ABCA5: variants seen among roughly 807,000 people sequenced by gnomAD.
ABCA5 encodes the protein cholesterol transporter ABCA5.
A neutral mutation model predicts 206.0 loss-of-function variants in ABCA5; 163 were observed. The ratio of observed to expected loss-of-function variants is 0.79; its 90% CI spans 0.70 to 0.90. The LOEUF is 0.90. ABCA5 is among the 40% of genes least tolerant of loss of function. The pLI is 0.00. For synonymous variants in ABCA5, 609 were observed against 613.8 expected, an observed-to-expected ratio of 0.99 and a Z score of 0.11; for missense variants, 1,859 against 1,912.9, an observed-to-expected ratio of 0.97 and a Z score of 0.53.
rs58369537 is a variant in ABCA5 at position 69,263,697 on chromosome 17, C to CTTTTTTTTTTTTTTTTTTTTTTTTTTT, written c.3315+1037_3315+1038insAAAAAAAAAAAAAAAAAAAAAAAAAAA. 4.3e-4 allele frequency among the ~76,000 whole-genome samples: 45 copies of CTTTTTTTTTTTTTTTTTTTTTTTTTTT among 103,656 alleles called. 3 individuals carry two copies. Among genetic ancestry groups the CTTTTTTTTTTTTTTTTTTTTTTTTTTT allele is most frequent in the African/African-American group, 1.8e-3 (40 of 22,696 alleles). 68.0% of individuals were successfully genotyped at this position (103,656 alleles called of 152,430 possible). On this transcript the variant is annotated intron_variant, in intron 24 of 38. Coordinates refer to ENST00000392676, the MANE Select transcript of ABCA5 (RefSeq NM_172232.4). The stretch of plus-strand genomic sequence containing the variant: ...GGCTTTGTTCTTTTTACATGGATTC[C>CTTTTTTTTTTTTTTTTTTTTTTTTTTT]TTTTTTTTTTTTTTTTTGATAAAAA...
Position 69,301,149 on chromosome 17 carries a change from T to C in ABCA5, c.1257A>G (p.Gln419=), listed in dbSNP as rs907845234. ...FYVLLAVYLD[Q]VIPGEFGLRR... ...AAACCATCTGCATACCTGGAATGAC[T>C]TGATCAAGATAGACAGCCAAGAGGA... The change falls in exon 9 of 39, where the codon CAA becomes CAG. Residue 419 remains glutamine (Q), a synonymous_variant. Coordinates refer to ENST00000392676, the MANE Select transcript of ABCA5 (RefSeq NM_172232.4). 1 of 1,531,712 alleles carries C rather than the reference T, an allele frequency of 6.5e-7. No homozygotes were observed. The highest frequency in any genetic ancestry group is 8.7e-7 in the Non-Finnish European group (1 of 1,148,934). The allele number at this position is 1,531,712 out of a possible 1,614,324, so 94.9% of individuals were successfully genotyped here.
intron 12 of ABCA5, 108 bp downstream of exon 12, chr17:69,291,108 A>G (rs2075521265): frequency 1.7e-6 from 1 of 573,108 alleles, no homozygotes; most frequent in Admixed American, 3.6e-5. Flanking sequence ...GAAAAAAAGA[A>G]AACACCTTTA....
chr17:69,299,429 C>A (rs986210984), intron 9 of ABCA5, among the ~76,000 whole-genome samples: 1 of 146,728 alleles, frequency 6.8e-6, no homozygotes, highest in African/African-American at 2.5e-5. Context: ...AATGCCCATC[C>A]CAACAACTGG....
chr17:69,326,700 T>C lies in ABCA5; in HGVS notation c.-16+352A>G, dbSNP rs1380624963. Among the ~76,000 whole-genome samples the C allele has an allele frequency of 6.6e-6, 1 of 152,172 alleles. No homozygotes were observed. Among genetic ancestry groups the C allele is most frequent in the African/African-American group, 2.4e-5 (1 of 41,446 alleles). Reference sequence around the variant, plus strand: ...GGTTGCTGAGGGTGGAACGACAGCGTCCAGGCAAAGGCAGTGTCCCGAAGT... The same window carrying C: ...GGTTGCTGAGGGTGGAACGACAGCGCCCAGGCAAAGGCAGTGTCCCGAAGT... On this transcript the variant is annotated intron_variant, in intron 1 of 38. Transcript: ENST00000392676. This position sits in a 1 kb window ranked among gnomAD's most constrained non-coding sequence, Gnocchi z 4.8.
chr17:69,274,273 T>A, intron 19 of ABCA5, 145 bp from the exon 20 acceptor site: 1 of 697,692 alleles, frequency 1.4e-6, no homozygotes, highest in Non-Finnish European at 2.2e-6. Flanking sequence ...GGCTGGAGTG[T>A]AATGGCATGA....
intron 24 of ABCA5, among the ~76,000 whole-genome samples, chr17:69,264,235 C>G (rs975603390): frequency 6.6e-6 from 1 of 152,080 alleles, no homozygotes; most frequent in Admixed American, 6.5e-5. Flanking sequence ...TTGTAGTTCT[C>G]CCTGTAGAGA....
At chr17:69,261,784 A>C (rs767418940) in intron 24 of ABCA5, 36 bp from the exon 25 acceptor site, 1 of 834,074 alleles carries the variant, frequency 1.2e-6, no homozygotes, top group Non-Finnish European at 1.8e-6. Context: ...AAAAATATGA[A>C]TAGCTTGCAA....
chr17:69,288,548 A>G (rs369383787), intron 14 of ABCA5, among the ~76,000 whole-genome samples: 10 of 151,836 alleles, frequency 6.6e-5, no homozygotes, highest in African/African-American at 2.4e-4. Flanking sequence ...TTTTGGCCAC[A>G]TTTTCTTCAG....
intron 19 of ABCA5, among the ~76,000 whole-genome samples, chr17:69,277,348 G>T (rs1394560206): frequency 3.9e-5 from 6 of 152,066 alleles, no homozygotes; most frequent in African/African-American, 1.4e-4. Flanking sequence ...GCTCCCAGGT[G>T]AAAGAAAGAA....
intron 9 of ABCA5, among the ~76,000 whole-genome samples, chr17:69,299,200 T>G (rs2145004829): frequency 6.6e-6 from 1 of 152,196 alleles, no homozygotes; most frequent in African/African-American, 2.4e-5. Context: ...AAGGGAACAC[T>G]TTTCCACTGT....
In ABCA5 at chr17:69,253,860, A is replaced by G; in HGVS notation, c.4254T>C (p.His1418=). Residue 1418 remains histidine (H), a synonymous_variant, in exon 33 of 39, where the codon CAT becomes CAC. Coordinates refer to ENST00000392676, the MANE Select transcript of ABCA5 (RefSeq NM_172232.4). ...GAAGATGTTCTTTTAAATCAAGTGC[A>G]TGTGTTATTCTGCAAAATGAACAAT... ...DMKEVISRIT[H]ALDLKEHLQK... 1 of 1,610,990 alleles carries G rather than the reference A, an allele frequency of 6.2e-7. No homozygotes were observed. Among genetic ancestry groups the G allele is most frequent in the Non-Finnish European group, 8.5e-7 (1 of 1,178,818 alleles).
Position 69,306,803 on chromosome 17 carries a change from G to A in ABCA5, c.710C>T (p.Ala237Val). The change falls in exon 6 of 39, where the codon GCA (alanine) becomes GTA (valine). Residue 237 changes from alanine to valine, a missense_variant. Transcript: ENST00000392676. ...TTCTTTTTCTGCTACGATATGAATT[G>A]CCAAAAAGTATCCAAAAGGTGAAAA... ...IAFSPFGYFL[A>V]IHIVAEKEKK... 1.9e-6 allele frequency: 3 copies of A among 1,586,480 alleles called. No individual in the cohort carries two copies. The highest frequency in any genetic ancestry group is 1.7e-6 in the Non-Finnish European group (2 of 1,166,234).
At chr17:69,293,511 G>A (rs1030528601) in intron 11 of ABCA5, among the ~76,000 whole-genome samples, 61 of 152,256 alleles carry the variant, frequency 4.0e-4, no homozygotes, top group African/African-American at 1.4e-3. Context: ...AGAAGTTGCT[G>A]TAGATGTCAT....
At chr17:69,315,506 C>G (rs987938734) in intron 1 of ABCA5, 1 of 152,266 alleles carries the variant, frequency 6.6e-6, no homozygotes, top group Non-Finnish European at 1.5e-5. Flanking sequence ...AATAGCTGAC[C>G]GGGTGCGGTG....
In ABCA5 at chr17:69,248,270, A is replaced by G. The variant is rs750280986; in HGVS notation, c.4813T>C (p.Leu1605=). Residue 1605 remains leucine (L), a synonymous_variant, in exon 38 of 39, where the codon TTG becomes CTG. Transcript: ENST00000392676. The part of the protein sequence containing the change: ...IEEYSFSQAT[L]EQVFVELTKE... ...ATTTAACTTTATAGTACCTGTTCCAATGTTGCTTGAGAAAAGCTATATTCT... is the reference window on the plus strand; with the variant it reads ...ATTTAACTTTATAGTACCTGTTCCAGTGTTGCTTGAGAAAAGCTATATTCT... 2.6e-6 allele frequency: 4 copies of G among 1,554,326 alleles called. No homozygotes were observed. Among genetic ancestry groups the G allele is most frequent in the South Asian group, 2.3e-5 (2 of 86,052 alleles).
chr17:69,324,087 C>G (rs993853516), intron 1 of ABCA5, among the ~76,000 whole-genome samples: 5 of 152,054 alleles, frequency 3.3e-5, no homozygotes, highest in Non-Finnish European at 7.4e-5. Flanking sequence ...TGGCACTTTA[C>G]AAAAAACGTT....
chr17:69,248,297 C>T lies in ABCA5; in HGVS notation c.4786G>A (p.Glu1596Lys), dbSNP rs2074974437. ...GTTGCTTGAGAAAAGCTATATTCTT[C>T]AATGGCAAAAGCATGTTTAGCTATT... The part of the protein sequence containing the change: ...LEEAKHAFAI[E>K]EYSFSQATLE... The change falls in exon 38 of 39, where the codon GAA (glutamate) becomes AAA (lysine). Residue 1596 changes from glutamate to lysine, a missense_variant. Coordinates refer to ENST00000392676, the MANE Select transcript of ABCA5 (RefSeq NM_172232.4). 6.4e-7 allele frequency: 1 copy of T among 1,567,488 alleles called. No individual in the cohort carries two copies. The highest frequency in any genetic ancestry group is 1.4e-5 in the African/African-American group (1 of 73,340).
chr17:69,285,779 C>G (rs1598177938), intron 17 of ABCA5, 119 bp downstream of exon 17: 2 of 1,073,212 alleles, frequency 1.9e-6, no homozygotes, highest in South Asian at 5.5e-5. Flanking sequence ...AATATTAACT[C>G]TGGCCACCTG....
intron 28 of ABCA5, among the ~76,000 whole-genome samples, chr17:69,259,336 G>A (rs1014487174): frequency 3.3e-5 from 5 of 151,916 alleles, no homozygotes; most frequent in African/African-American, 1.2e-4. Context: ...GATGTTATCT[G>A]GCAAATCTGA....
Sources: gnomAD v4.1 joint callset for allele counts (sites outside exome capture counted in the v4.1 genomes callset) on GRCh38, gnomAD v4.1.1 for gene constraint, Gnocchi (gnomAD v3.1) non-coding constraint, MANE v1.5 for transcripts, NCBI Gene and HGNC (gene_info 2026-07-23, HGNC 2026-07-21) for gene names.